The following KCNN3 variants were observed in gnomAD, a reference collection of about 807,000 sequenced individuals.
KCNN3 encodes the protein potassium calcium-activated channel subfamily N member 3, also known as small conductance calcium-activated potassium channel protein 3.
In KCNN3, 16 loss-of-function variants were observed where a neutral mutation model predicts 62.9. That is an observed-to-expected ratio of 0.25 (90% CI 0.17 to 0.39). KCNN3 has a LOEUF of 0.39. Among genes scored for constraint, KCNN3 ranks in the 10% least tolerant of loss-of-function variants. The probability of loss-of-function intolerance (pLI) is 1.00; values close to 1 mark genes in which losing one functional copy is unlikely to be tolerated. For synonymous variants in KCNN3, 370 were observed against 389.2 expected (o/e 0.95, Z 0.58); for missense variants, 599 against 949.4 (o/e 0.63, Z 4.85).
At chr1:154,708,439 A>C (rs1008711503) in intron 7 of KCNN3, among the ~76,000 whole-genome samples, 167 bp from the exon 8 acceptor site, 1 of 152,182 alleles carries the variant, frequency 6.6e-6, no homozygotes, top group Non-Finnish European at 1.5e-5. Flanking sequence ...GGGGATGCTG[A>C]AGTGTGCACA....
At chr1:154,768,526 G>A (rs1284795486) in intron 3 of KCNN3, among the ~76,000 whole-genome samples, 1 of 152,200 alleles carries the variant, frequency 6.6e-6, no homozygotes, top group Non-Finnish European at 1.5e-5. Flanking sequence ...AGTGGTAACA[G>A]AGGCCTTAGG....
At chr1:154,751,984 C>G (rs1226161025) in intron 3 of KCNN3, among the ~76,000 whole-genome samples, 1 of 152,148 alleles carries the variant, frequency 6.6e-6, no homozygotes, top group Non-Finnish European at 1.5e-5. Flanking sequence ...TGCCAGAAAG[C>G]AAACAGATGG....
At chr1:154,757,387 G>A (rs1056184303) in intron 3 of KCNN3, among the ~76,000 whole-genome samples, 16 of 152,200 alleles carry the variant, frequency 1.1e-4, no homozygotes, top group Non-Finnish European at 2.9e-5. Flanking sequence ...TTACTGAGCT[G>A]TGGCTCTTAT....
intron 1 of KCNN3, chr1:154,868,311 T>C: frequency 2.0e-6 from 2 of 986,124 alleles, no homozygotes; most frequent in Non-Finnish European, 2.4e-6. Flanking sequence ...AGGTTTATTC[T>C]GAGTCCTCTC....
chr1:154,787,597 T>C (rs1444929540), intron 2 of KCNN3, among the ~76,000 whole-genome samples: 1 of 152,054 alleles, frequency 6.6e-6, no homozygotes, highest in African/African-American at 2.4e-5. Context: ...CAATTCGGGG[T>C]CTGTGCTGCT....
At chr1:154,855,482 T>C (rs1040136911) in intron 1 of KCNN3, among the ~76,000 whole-genome samples, 1 of 152,172 alleles carries the variant, frequency 6.6e-6, no homozygotes, top group Non-Finnish European at 1.5e-5. Context: ...CATTGTACAG[T>C]ATTTCTACTG....
At chr1:154,754,864 T>C (rs1647562571) in intron 3 of KCNN3, among the ~76,000 whole-genome samples, 3 of 152,180 alleles carry the variant, frequency 2.0e-5, no homozygotes, top group South Asian at 4.1e-4. Context: ...GTAAAGTTCC[T>C]GAGAAAAAGA....
At chr1:154,830,656 G>A (rs530328472) in intron 1 of KCNN3, among the ~76,000 whole-genome samples, 17 of 152,312 alleles carry the variant, frequency 1.1e-4, no homozygotes, top group Non-Finnish European at 2.2e-4. Flanking sequence ...GGATCTCTAC[G>A]TTGCCACTCC....
At chr1:154,717,016 C>T (rs1167808618) in intron 5 of KCNN3, among the ~76,000 whole-genome samples, 1 of 152,176 alleles carries the variant, frequency 6.6e-6, no homozygotes, top group South Asian at 2.1e-4. Context: ...TGAATCCCTG[C>T]TCTGTCAATT....
chr1:154,803,288 C>G lies in KCNN3; in HGVS notation c.1029+18801G>C, dbSNP rs1319733343. Among the ~76,000 whole-genome samples, 3 of 152,282 alleles carry G rather than the reference C, an allele frequency of 2.0e-5. No individual in the cohort carries two copies. The East Asian group carries it at 5.8e-4, about 29-fold the overall frequency. On this transcript the variant is annotated intron_variant, in intron 2 of 7. Transcript: ENST00000271915. ...GGTTAGCAAGGCTTTCACGCAAGCCCCAGGCTACTGTAAACATTTTGCCAC... is the reference window on the plus strand; with the variant it reads ...GGTTAGCAAGGCTTTCACGCAAGCCGCAGGCTACTGTAAACATTTTGCCAC...
rs113443214 is a variant in KCNN3 at position 154,743,266 on chromosome 1, C to A, written c.1449-10122G>T. On this transcript the variant is annotated intron_variant, in intron 3 of 7. Transcript: ENST00000271915. Reference sequence around the variant, plus strand: ...ATCAGCACCGCCCTCTCACCTGGACCACTGCAGTAGTTGCCTCACTGGCCT... The same window carrying A: ...ATCAGCACCGCCCTCTCACCTGGACAACTGCAGTAGTTGCCTCACTGGCCT... 9.1e-4 allele frequency among the ~76,000 whole-genome samples: 138 copies of A among 152,280 alleles called. 1 individual carries two copies. The highest frequency in any genetic ancestry group is 3.2e-3 in the African/African-American group (132 of 41,566).
chr1:154,785,375 G>C (rs150424793), intron 2 of KCNN3, among the ~76,000 whole-genome samples: 2 of 152,214 alleles, frequency 1.3e-5, no homozygotes, highest in East Asian at 3.9e-4. Context: ...ACCAGGTGGT[G>C]GTGGTGGGCA....
intron 5 of KCNN3, among the ~76,000 whole-genome samples, chr1:154,722,411 G>T (rs1443867820): frequency 1.9e-4 from 27 of 140,554 alleles, no homozygotes; most frequent in African/African-American, 5.9e-4. Flanking sequence ...TTTTTGAGAT[G>T]GAGTCTCGCT....
At chr1:154,827,329 A>G (rs73009457) in intron 1 of KCNN3, among the ~76,000 whole-genome samples, 6,247 of 152,252 alleles carry the variant, frequency 0.041, 446 homozygotes, top group African/African-American at 0.14. Context: ...AGACCGCATC[A>G]CTGGTCGCTG....
intron 2 of KCNN3, among the ~76,000 whole-genome samples, chr1:154,778,596 C>CCTCTCTCT (rs1367908006): frequency 1.3e-5 from 2 of 150,812 alleles, no homozygotes; most frequent in African/African-American, 4.9e-5. Context: ...TTTCTCTCTC[C>CCTCTCTCT]CTCTCTCTCT....
At chr1:154,709,158 C>T (rs1406656813) in intron 7 of KCNN3, among the ~76,000 whole-genome samples, 1 of 152,224 alleles carries the variant, frequency 6.6e-6, no homozygotes, top group Non-Finnish European at 1.5e-5. Context: ...CCTTCCCCAA[C>T]ATCCTGTGGC....
intron 3 of KCNN3, among the ~76,000 whole-genome samples, chr1:154,746,955 G>A (rs897264776): frequency 6.6e-6 from 1 of 152,138 alleles, no homozygotes; most frequent in African/African-American, 2.4e-5. Flanking sequence ...CTGGAGGGGT[G>A]GCAGGTAAAC....
chr1:154,717,921 G>A (rs1700264169), intron 5 of KCNN3, among the ~76,000 whole-genome samples: 1 of 152,170 alleles, frequency 6.6e-6, no homozygotes, highest in South Asian at 2.1e-4. Flanking sequence ...CTGGCTGATT[G>A]ATCTAAGCAT....
At chr1:154,799,328 G>T (rs910874018) in intron 2 of KCNN3, among the ~76,000 whole-genome samples, 1 of 152,184 alleles carries the variant, frequency 6.6e-6, no homozygotes, top group African/African-American at 2.4e-5. Context: ...ATGCCAAATG[G>T]ATTGGGTCAT....
Sources: allele counts gnomAD v4.1 joint callset (sites outside exome capture counted in the v4.1 genomes callset), GRCh38; gene constraint gnomAD v4.1.1; transcripts MANE v1.5; gene names NCBI Gene and HGNC (gene_info 2026-07-23, HGNC 2026-07-21).